The following B3GAT2 variants were observed in gnomAD, a reference collection of about 807,000 sequenced individuals.
B3GAT2 encodes the protein beta-1,3-glucuronyltransferase 2.
In B3GAT2, 26 loss-of-function variants were observed where a neutral mutation model predicts 27.8. That is an observed-to-expected ratio of 0.93 (90% CI 0.68 to 1.30). B3GAT2 has a LOEUF of 1.30. Ranked by LOEUF, B3GAT2 falls within the 50% of genes most tolerant of loss-of-function variation. B3GAT2 has a pLI of 0.00. For missense variants in B3GAT2, 458 were observed against 459.0 expected (o/e 1.00, Z 0.02); for synonymous variants, 218 against 195.1 (o/e 1.12, Z -0.98).
In B3GAT2 at chr6:70,857,852, T is replaced by C; in HGVS notation, c.*3811A>G. 1 of 1,535,032 alleles carries C rather than the reference T, an allele frequency of 6.5e-7. No individual in the cohort carries two copies. Among genetic ancestry groups the C allele is most frequent in the East Asian group, 2.3e-5 (1 of 44,256 alleles). On this transcript the variant is annotated 3_prime_UTR_variant, in exon 4 of 4. Transcript: ENST00000230053. ...GAGTAGTTCAGAAAGGCAATTTTTC[T>C]GTGATTATAGAGATGAGTGCAACTA...
At chr6:70,868,681 TTAC>T (rs1226446342) in intron 2 of B3GAT2, among the ~76,000 whole-genome samples, 3 of 152,156 alleles carry the variant, frequency 2.0e-5, no homozygotes, top group Non-Finnish European at 4.4e-5. Context: ...ATGTTTAGTG[TTAC>T]CAATAGCTAT....
chr6:70,913,916 T>C (rs1372111793), intron 1 of B3GAT2, among the ~76,000 whole-genome samples: 1 of 152,224 alleles, frequency 6.6e-6, no homozygotes, highest in Non-Finnish European at 1.5e-5. Context: ...ATTTAAGTCT[T>C]CTTGTTGAAT....
intron 1 of B3GAT2, among the ~76,000 whole-genome samples, chr6:70,918,683 G>T (rs1048595051): frequency 1.3e-5 from 2 of 152,102 alleles, no homozygotes; most frequent in African/African-American, 4.8e-5. Flanking sequence ...TGAAATTCTG[G>T]GTTAAAAATT....
chr6:70,927,583 C>T (rs770316080), intron 1 of B3GAT2, among the ~76,000 whole-genome samples: 21 of 152,070 alleles, frequency 1.4e-4, no homozygotes, highest in Non-Finnish European at 1.9e-4. Context: ...CAAAGAAGGC[C>T]GTTAACATAA....
intron 1 of B3GAT2, among the ~76,000 whole-genome samples, chr6:70,921,245 C>T (rs1030963456): frequency 1.3e-5 from 2 of 152,044 alleles, no homozygotes; most frequent in East Asian, 1.9e-4. Flanking sequence ...TTGGTCTCTA[C>T]CTAATCTCAT....
At chr6:70,928,097 T>G (rs575643549) in intron 1 of B3GAT2, among the ~76,000 whole-genome samples, 1 of 151,854 alleles carries the variant, frequency 6.6e-6, no homozygotes, top group Non-Finnish European at 1.5e-5. Context: ...GGGTACATAA[T>G]GAAATGAAGG....
At chr6:70,950,059 T>A (rs1268132524) in intron 1 of B3GAT2, among the ~76,000 whole-genome samples, 1 of 73,768 alleles carries the variant, frequency 1.4e-5, no homozygotes, top group African/African-American at 5.4e-5. Context: ...TGTTGTGGGG[T>A]GGGGGTTGGG....
intron 1 of B3GAT2, among the ~76,000 whole-genome samples, chr6:70,927,419 A>G (rs1023714879): frequency 2.0e-5 from 3 of 152,204 alleles, no homozygotes; most frequent in African/African-American, 7.2e-5. Context: ...AGTGTGCTGT[A>G]TTCAGGAGAC....
intron 1 of B3GAT2, among the ~76,000 whole-genome samples, chr6:70,918,091 T>C (rs1478602633): frequency 1.3e-5 from 2 of 152,180 alleles, no homozygotes; most frequent in Non-Finnish European, 2.9e-5. Context: ...TGCTCCTGTA[T>C]TGGGTGCATA....
chr6:70,899,162 C>T (rs1345917079), intron 1 of B3GAT2, among the ~76,000 whole-genome samples: 1 of 151,916 alleles, frequency 6.6e-6, no homozygotes, highest in Non-Finnish European at 1.5e-5. Flanking sequence ...AGAGAAATTG[C>T]CATTAAAGGG....
At chr6:70,891,748 T>TTGTGTGTG (rs147352529) in intron 2 of B3GAT2, among the ~76,000 whole-genome samples, 2,148 of 144,734 alleles carry the variant, frequency 0.015, 26 homozygotes, top group East Asian at 0.042. Context: ...AGAGCTCAGA[T>TTGTGTGTG]TGTGTGTGTG....
At chr6:70,933,416 GA>G (rs916849222) in intron 1 of B3GAT2, among the ~76,000 whole-genome samples, 6 of 152,072 alleles carry the variant, frequency 3.9e-5, no homozygotes, top group Admixed American at 2.0e-4. Context: ...TTTCATTAAT[GA>G]AAAATGAAAA....
chr6:70,932,248 A>G (rs888902811), intron 1 of B3GAT2, among the ~76,000 whole-genome samples: 2 of 152,208 alleles, frequency 1.3e-5, no homozygotes, highest in African/African-American at 4.8e-5. Flanking sequence ...GTAGTTCTTC[A>G]AAAAACTGAC....
rs1252023071 is a variant in B3GAT2, at chr6:70,859,123, CATT to C, written c.*2537_*2539del. Reference sequence around the variant, plus strand: ...GGGAATAGTCTAGAGTGATTTCTAACATTAGCACAATCACTATATATCACAGTT... The same window carrying C: ...GGGAATAGTCTAGAGTGATTTCTAACAGCACAATCACTATATATCACAGTT... On this transcript the variant is annotated 3_prime_UTR_variant, in exon 4 of 4. Coordinates refer to ENST00000230053, the MANE Select transcript of B3GAT2 (RefSeq NM_080742.3). 2.7e-5 allele frequency: 12 copies of C among 451,450 alleles called. No individual in the cohort carries two copies. The Admixed American group carries it at 4.0e-4, about 15-fold the overall frequency. 28.0% of individuals were successfully genotyped at this position (451,450 alleles called of 1,614,324 possible).
chr6:70,931,291 C>A (rs1466748856), intron 1 of B3GAT2, among the ~76,000 whole-genome samples: 1 of 151,880 alleles, frequency 6.6e-6, no homozygotes, highest in Non-Finnish European at 1.5e-5. Context: ...ATGTAACAAA[C>A]CTGCACGTTG....
At position 70,913,415 on chromosome 6, in the gene B3GAT2, T is replaced by C. The variant is rs556882097; in HGVS notation, c.592-19143A>G. On this transcript the variant is annotated intron_variant, in intron 1 of 3. Transcript: ENST00000230053. Reference sequence around the variant, plus strand: ...TCGTATATTTTATCTTTATTTTCAATAGTTTCAAAAAATGTCTTGATTTCT... The same window carrying C: ...TCGTATATTTTATCTTTATTTTCAACAGTTTCAAAAAATGTCTTGATTTCT... Among the ~76,000 whole-genome samples the C allele has an allele frequency of 3.3e-5, 5 of 152,354 alleles. No individual in the cohort carries two copies. In the South Asian group the frequency reaches 1.0e-3, roughly 32 times the overall value.
At chr6:70,885,538 T>C (rs952646364) in intron 2 of B3GAT2, among the ~76,000 whole-genome samples, 6 of 152,154 alleles carry the variant, frequency 3.9e-5, no homozygotes, top group African/African-American at 7.2e-5. Context: ...CCATCCTGCA[T>C]GCTGAGCCAA....
At position 70,956,659 on chromosome 6, in the gene B3GAT2, G is replaced by A. The variant is rs1194358604; in HGVS notation, c.-230C>T. 3 of 1,403,454 alleles carry A rather than the reference G, an allele frequency of 2.1e-6. No homozygotes were observed. The highest frequency in any genetic ancestry group is 2.8e-5 in the East Asian group (1 of 35,890). The allele number at this position is 1,403,454 out of a possible 1,614,324, so 86.9% of individuals were successfully genotyped here. ...ACAAGGGGTGCAGGCGGGCGGGCAG[G>A]GGCTGCCCCCGACTCCAGGTGAGCT... is the stretch of plus-strand genomic sequence containing the variant. On this transcript the variant is annotated 5_prime_UTR_variant, in exon 1 of 4. Transcript: ENST00000230053.
At chr6:70,876,489 T>A (rs1772016319) in intron 2 of B3GAT2, among the ~76,000 whole-genome samples, 2 of 152,184 alleles carry the variant, frequency 1.3e-5, no homozygotes, top group South Asian at 4.1e-4. Flanking sequence ...AGGAAGGTAC[T>A]TTCACTGTTC....
Sources: gnomAD v4.1 joint callset for allele counts (sites outside exome capture counted in the v4.1 genomes callset) on GRCh38, gnomAD v4.1.1 for gene constraint, MANE v1.5 for transcripts, NCBI Gene and HGNC (gene_info 2026-07-23, HGNC 2026-07-21) for gene names.